NRG3: variants seen among roughly 807,000 people sequenced by gnomAD.
NRG3 encodes the protein neuregulin 3.
In NRG3, 31 loss-of-function variants were observed where a neutral mutation model predicts 66.9. The observed-to-expected ratio is 0.46, with a 90% CI of 0.35 to 0.63. NRG3 has a LOEUF of 0.63. NRG3 is among the 20% of genes least tolerant of loss of function. The pLI, the probability that NRG3 is intolerant of heterozygous loss-of-function variation, is 0.00. For missense variants in NRG3, 910 were observed against 878.9 expected (o/e 1.04, Z -0.45); for synonymous variants, 393 against 359.4 (o/e 1.09, Z -1.06).
intron 7 of NRG3, among the ~76,000 whole-genome samples, chr10:82,977,678 ACATTT>A (rs1412765703): frequency 6.6e-6 from 1 of 151,912 alleles, no homozygotes; most frequent in Non-Finnish European, 1.5e-5. Context: ...CTGCTTGCAC[ACATTT>A]AGGAAGTTAA....
intron 2 of NRG3, among the ~76,000 whole-genome samples, chr10:82,652,073 A>G (rs538019777): frequency 3.9e-5 from 6 of 152,240 alleles, no homozygotes; most frequent in African/African-American, 1.4e-4. Flanking sequence ...AACTTCATTC[A>G]CTTGGACCTG....
chr10:82,735,063 A>AG (rs1472117375), intron 2 of NRG3, among the ~76,000 whole-genome samples: 2 of 151,978 alleles, frequency 1.3e-5, no homozygotes, highest in African/African-American at 4.8e-5. Context: ...GGAGGAAGGA[A>AG]GAAAGAAAGA....
chr10:82,406,864 G>C (rs973059602), intron 2 of NRG3, among the ~76,000 whole-genome samples: 2 of 152,008 alleles, frequency 1.3e-5, no homozygotes, highest in Non-Finnish European at 2.9e-5. Flanking sequence ...TTTCTGTTAC[G>C]ACTATTCTCT....
chr10:82,702,106 A>G (rs1046122234), intron 2 of NRG3, among the ~76,000 whole-genome samples: 1 of 152,154 alleles, frequency 6.6e-6, no homozygotes, highest in Non-Finnish European at 1.5e-5. Context: ...CACAGAAAAC[A>G]GTGCTGCTTT....
intron 1 of NRG3, among the ~76,000 whole-genome samples, chr10:81,881,195 T>G (rs1251419416): frequency 6.6e-6 from 1 of 151,730 alleles, no homozygotes; most frequent in East Asian, 1.9e-4. Flanking sequence ...TGTTTTTTTT[T>G]TTTGTTTTTT....
chr10:82,749,736 T>G (rs963542827), intron 3 of NRG3, among the ~76,000 whole-genome samples: 9 of 152,048 alleles, frequency 5.9e-5, no homozygotes, highest in Non-Finnish European at 1.0e-4. Context: ...CAATGGCCTT[T>G]TTAACTAGAA....
chr10:82,367,370 C>T (rs2084602698), intron 2 of NRG3, among the ~76,000 whole-genome samples: 1 of 152,072 alleles, frequency 6.6e-6, no homozygotes, highest in South Asian at 2.1e-4. Flanking sequence ...AGAGTGCTAG[C>T]AACTAAAACA....
chr10:82,502,572 T>C (rs1844296410), intron 2 of NRG3, among the ~76,000 whole-genome samples: 1 of 152,236 alleles, frequency 6.6e-6, no homozygotes, highest in South Asian at 2.1e-4. Context: ...ATTATATTTC[T>C]ATATTTTGGC....
Position 82,485,266 on chromosome 10 carries a change from G to T in NRG3, c.953+126398G>T, listed in dbSNP as rs572135334. ...CCCTGACTGAATTCAAAGATGAGCT[G>T]ATTTTTAGATAAACTTGCAAAGGAA... On this transcript the variant is annotated intron_variant, in intron 2 of 8. Coordinates refer to ENST00000372141, the MANE Select transcript of NRG3 (RefSeq NM_001010848.4). Among the ~76,000 whole-genome samples, 4 of 151,914 alleles carry T rather than the reference G, an allele frequency of 2.6e-5. No individual in the cohort carries two copies. The East Asian group carries it at 7.8e-4, about 30-fold the overall frequency.
intron 3 of NRG3, among the ~76,000 whole-genome samples, chr10:82,759,708 T>C (rs1415889711): frequency 2.6e-5 from 4 of 152,156 alleles, no homozygotes; most frequent in African/African-American, 9.6e-5. Context: ...CCAGCAAAAG[T>C]AGCATAACAC....
At chr10:82,722,266 A>T (rs921655611) in intron 2 of NRG3, among the ~76,000 whole-genome samples, 15 of 152,136 alleles carry the variant, frequency 9.9e-5, no homozygotes, top group Non-Finnish European at 1.8e-4. Context: ...CCACAATTCC[A>T]TGGTATTAGA....
chr10:82,933,766 G>C (rs2132188305), intron 4 of NRG3, among the ~76,000 whole-genome samples: 1 of 152,274 alleles, frequency 6.6e-6, no homozygotes, highest in Non-Finnish European at 1.5e-5. Context: ...GTGTTGGAAA[G>C]GAGATATATT....
chr10:82,676,743 A>G (rs1345221313), intron 2 of NRG3, among the ~76,000 whole-genome samples: 2 of 152,082 alleles, frequency 1.3e-5, no homozygotes, highest in Non-Finnish European at 2.9e-5. Context: ...TCGGCCTCCC[A>G]AAGTGCTGGA....
chr10:81,994,760 C>A (rs1174402010), intron 1 of NRG3, among the ~76,000 whole-genome samples: 1 of 151,988 alleles, frequency 6.6e-6, no homozygotes, highest in African/African-American at 2.4e-5. Context: ...AAATTTGAAG[C>A]AAGTCCAATT....
At chr10:82,633,352 G>C (rs2049974921) in intron 2 of NRG3, among the ~76,000 whole-genome samples, 1 of 152,136 alleles carries the variant, frequency 6.6e-6, no homozygotes, top group Admixed American at 6.5e-5. Context: ...ACAAAGCCAG[G>C]TTTCTCTGAG....
intron 1 of NRG3, among the ~76,000 whole-genome samples, chr10:82,202,511 G>T (rs750412273): frequency 1.3e-5 from 2 of 152,034 alleles, no homozygotes; most frequent in African/African-American, 2.4e-5. Flanking sequence ...TACCTCCTTC[G>T]GTCAATGAAT....
At chr10:82,788,920 G>A (rs904734020) in intron 3 of NRG3, among the ~76,000 whole-genome samples, 6 of 151,686 alleles carry the variant, frequency 4.0e-5, no homozygotes, top group East Asian at 1.9e-4. Flanking sequence ...GTATGTATAC[G>A]CTACATATTT....
chr10:82,467,943 A>C (rs1590231615), intron 2 of NRG3, among the ~76,000 whole-genome samples: 2 of 152,018 alleles, frequency 1.3e-5, no homozygotes. Context: ...TTTGAAGGTC[A>C]TATATTTTGC....
chr10:82,301,669 T>G (rs2080408241), intron 1 of NRG3, among the ~76,000 whole-genome samples: 1 of 143,082 alleles, frequency 7.0e-6, no homozygotes, highest in Non-Finnish European at 1.5e-5. Flanking sequence ...TATATGTATA[T>G]GTATACACAT....
Sources: allele counts gnomAD v4.1 joint callset (sites outside exome capture counted in the v4.1 genomes callset), GRCh38; gene constraint gnomAD v4.1.1; transcripts MANE v1.5; gene names NCBI Gene and HGNC (gene_info 2026-07-23, HGNC 2026-07-21).